Variants in ZNF662 observed in about 807,000 individuals in gnomAD.
ZNF662 encodes zinc finger protein 662.
Under a neutral mutation model 12.4 loss-of-function variants are expected in ZNF662, and 14 were observed. That is an observed-to-expected ratio of 1.13 (90% CI 0.75 to 1.77). The LOEUF is 1.77. Among genes scored for constraint, ZNF662 ranks in the 40% most tolerant of loss-of-function variants. ZNF662 has a pLI of 0.00. For synonymous variants in ZNF662, 184 were observed against 176.4 expected (o/e 1.04, Z -0.34); for missense variants, 550 against 515.6 (o/e 1.07, Z -0.65).
rs989510358 is a variant in ZNF662 at position 42,917,976 on chromosome 3, C to T, written c.*2622C>T. 1.3e-5 allele frequency among the ~76,000 whole-genome samples: 2 copies of T among 152,210 alleles called. No homozygotes were observed. The highest frequency in any genetic ancestry group is 4.8e-5 in the African/African-American group (2 of 41,454). ...ACAAAATTAGCCAGGTGTGGTGGCA[C>T]ATGCCAGTAATCTCAGCTACTCAGG... On this transcript the variant is annotated 3_prime_UTR_variant, in exon 5 of 5. Transcript: ENST00000440367.
Position 42,908,008 on chromosome 3 carries a change from A to C in ZNF662, c.-93-14A>C. The C allele has an allele frequency of 6.2e-7, 1 of 1,614,044 alleles. No individual in the cohort carries two copies. Among genetic ancestry groups the C allele is most frequent in the South Asian group, 1.1e-5 (1 of 91,054 alleles). On this transcript the variant is annotated splice_polypyrimidine_tract_variant and intron_variant, in intron 1 of 4. Coordinates refer to ENST00000440367, the MANE Select transcript of ZNF662 (RefSeq NM_207404.4). ...TGGGGTTGTCCTAGGGCATTTAAAC[A>C]CATGTTGTTTCAGGAGTCAGTGACC...
chr3:42,908,913 A>C lies in ZNF662; in HGVS notation c.151+4A>C, dbSNP rs1008827336. The C allele has an allele frequency of 2.5e-6, 4 of 1,599,404 alleles. No individual in the cohort carries two copies. On this transcript the variant is annotated splice_donor_region_variant and intron_variant, in intron 3 of 4. Coordinates refer to ENST00000440367, the MANE Select transcript of ZNF662 (RefSeq NM_207404.4). ...GCCCCAAGGGGCATCTCCTCAGGTG[A>C]GTGAGGGCACACGTGCCGGTCATCT...
Position 42,913,228 on chromosome 3 carries a change from T to TTCCACC in ZNF662, c.180_181insCCACCT (p.Ile60_Ser61insProPro). ...TATCCATTTCTAAAGCCTGCTGGGA[T>TTCCACC]TTCCCATCCTGAGCAGGTGGAAGAG... On this transcript the variant is annotated inframe_insertion, in exon 4 of 5. Coordinates refer to ENST00000440367, the MANE Select transcript of ZNF662 (RefSeq NM_207404.4). 6.2e-7 allele frequency: 1 copy of TTCCACC among 1,614,080 alleles called. No homozygotes were observed. Among genetic ancestry groups the TTCCACC allele is most frequent in the Non-Finnish European group, 8.5e-7 (1 of 1,179,950 alleles).
At chr3:42,909,097 T>G (rs1559380159) in intron 3 of ZNF662, among the ~76,000 whole-genome samples, 188 bp downstream of exon 3, 1 of 152,174 alleles carries the variant, frequency 6.6e-6, no homozygotes, top group Non-Finnish European at 1.5e-5. Context: ...TGATTATTCT[T>G]GGGTGTTTCT....
Position 42,915,490 on chromosome 3 carries a change from C to A in ZNF662, c.*136C>A. The A allele has an allele frequency of 1.2e-6, 1 of 816,000 alleles. No homozygotes were observed. Among genetic ancestry groups the A allele is most frequent in the Non-Finnish European group, 1.9e-6 (1 of 529,758 alleles). 50.5% of individuals were successfully genotyped at this position (816,000 alleles called of 1,614,324 possible). On this transcript the variant is annotated 3_prime_UTR_variant, in exon 5 of 5. Coordinates refer to ENST00000440367, the MANE Select transcript of ZNF662 (RefSeq NM_207404.4). ...ATTATCTTGCCCTTTTGAACATTTACCATGTACTCTAGCAAGACTGGTCCC... is the reference window on the plus strand; with the variant it reads ...ATTATCTTGCCCTTTTGAACATTTAACATGTACTCTAGCAAGACTGGTCCC...
In ZNF662 at chr3:42,917,280, C is replaced by A; in HGVS notation, c.*1926C>A. 1 of 544,616 alleles carries A rather than the reference C, an allele frequency of 1.8e-6. No individual in the cohort carries two copies. The highest frequency in any genetic ancestry group is 3.0e-5 in the East Asian group (1 of 33,052). The allele number at this position is 544,616 out of a possible 1,614,324, so 33.7% of individuals were successfully genotyped here. A position where few individuals can be genotyped will look rare whatever the true frequency, so the allele number is the denominator to read the frequency against. On this transcript the variant is annotated 3_prime_UTR_variant, in exon 5 of 5. Coordinates refer to ENST00000440367, the MANE Select transcript of ZNF662 (RefSeq NM_207404.4). The stretch of plus-strand genomic sequence containing the variant: ...TTGGCTTGTGTCAATCAGTTTATCC[C>A]ATCCCCTTGGCCACAGAGCCATTGT...
chr3:42,907,849 C>T lies in ZNF662; in HGVS notation c.-93-173C>T, dbSNP rs139440370. The T allele has an allele frequency of 4.1e-5, 40 of 985,386 alleles. No homozygotes were observed. The African/African-American group carries it at 6.6e-4, about 16-fold the overall frequency. 61.0% of individuals were successfully genotyped at this position (985,386 alleles called of 1,614,324 possible). On this transcript the variant is annotated intron_variant, in intron 1 of 4. Transcript: ENST00000440367. ...ACATGAGAAAATTGATGGCTGATGCCTTGTCTCTTTGTACATAGGAGGCAA... is the reference window on the plus strand; with the variant it reads ...ACATGAGAAAATTGATGGCTGATGCTTTGTCTCTTTGTACATAGGAGGCAA...
In ZNF662 at chr3:42,915,526, G is replaced by A; in HGVS notation, c.*172G>A. On this transcript the variant is annotated 3_prime_UTR_variant, in exon 5 of 5. Transcript: ENST00000440367. Reference sequence around the variant, plus strand: ...AGCAAGACTGGTCCCTCTGTTCTATGATGTTTTAACAAGGCATCATTTAGT... The same window carrying A: ...AGCAAGACTGGTCCCTCTGTTCTATAATGTTTTAACAAGGCATCATTTAGT... The A allele has an allele frequency of 1.6e-6, 1 of 614,658 alleles. No homozygotes were observed. The highest frequency in any genetic ancestry group is 2.7e-6 in the Non-Finnish European group (1 of 371,384). 38.1% of individuals were successfully genotyped at this position (614,658 alleles called of 1,614,324 possible).
intron 3 of ZNF662, among the ~76,000 whole-genome samples, chr3:42,910,075 G>A (rs1231570291): frequency 6.6e-6 from 1 of 152,216 alleles, no homozygotes; most frequent in Non-Finnish European, 1.5e-5. Flanking sequence ...TGAGCACTGA[G>A]TGATCGAGAC....
rs905453687 is a variant in ZNF662, at chr3:42,918,683, T to A, written c.*3329T>A. ...GTAGTGATCGATCTTAACTGGTTCC[T>A]GCTGATGGGGGCACTGTTTTGGGAA... On this transcript the variant is annotated 3_prime_UTR_variant, in exon 5 of 5. Coordinates refer to ENST00000440367, the MANE Select transcript of ZNF662 (RefSeq NM_207404.4). Among the ~76,000 whole-genome samples, 1 of 152,208 alleles carries A rather than the reference T, an allele frequency of 6.6e-6. No individual in the cohort carries two copies. Among genetic ancestry groups the A allele is most frequent in the African/African-American group, 2.4e-5 (1 of 41,450 alleles).
chr3:42,907,936 C>T (rs759688382), intron 1 of ZNF662, 86 bp from the exon 2 acceptor site: 6 of 1,543,588 alleles, frequency 3.9e-6, no homozygotes, highest in Non-Finnish European at 5.3e-6. Context: ...CAGGCACCCC[C>T]ACAGTACCTT....
At position 42,914,755 on chromosome 3, in the gene ZNF662, G is replaced by T. The variant is rs193156382; in HGVS notation, c.682G>T (p.Ala228Ser). The T allele has an allele frequency of 3.5e-5, 57 of 1,614,082 alleles. 1 individual carries two copies. In the East Asian group the frequency reaches 1.2e-3, roughly 35 times the overall value. ...CTATGGATGTAAGGAATGTGGGAAG[G>T]CTTTCAGTTTTCGATCACATTGCAT... is the stretch of plus-strand genomic sequence containing the variant. ...KVYGCKECGK[A>S]FSFRSHCIAH... Residue 228 changes from alanine (A) to serine (S), a missense_variant, in exon 5 of 5, where the codon GCT (alanine) becomes TCT (serine). Transcript: ENST00000440367.
In ZNF662 at chr3:42,906,444, G is replaced by T; in HGVS notation, c.-94+276G>T. Reference sequence around the variant, plus strand: ...CCGCGCTGCCCCGGGCGCGCCGGGTGAGTGCGGGGCCGGAGCCTGGAAGCA... The same window carrying T: ...CCGCGCTGCCCCGGGCGCGCCGGGTTAGTGCGGGGCCGGAGCCTGGAAGCA... On this transcript the variant is annotated intron_variant, in intron 1 of 4. Coordinates refer to ENST00000440367, the MANE Select transcript of ZNF662 (RefSeq NM_207404.4). The surrounding 1 kb of genome is among the most constrained non-coding windows in gnomAD (Gnocchi z 4.4). 1 of 1,456,754 alleles carries T rather than the reference G, an allele frequency of 6.9e-7. No individual in the cohort carries two copies. Among genetic ancestry groups the T allele is most frequent in the South Asian group, 1.4e-5 (1 of 72,814 alleles). The allele number at this position is 1,456,754 out of a possible 1,614,324, so 90.2% of individuals were successfully genotyped here.
At chr3:42,910,244 C>G (rs1347821142) in intron 3 of ZNF662, among the ~76,000 whole-genome samples, 1 of 152,118 alleles carries the variant, frequency 6.6e-6, no homozygotes. Flanking sequence ...CCCAGGCACT[C>G]GGCAGGCTGA....
rs369629170 is a variant in ZNF662, at chr3:42,914,684, A to G, written c.611A>G (p.Asn204Ser). 26 of 1,614,098 alleles carry G rather than the reference A, an allele frequency of 1.6e-5. No homozygotes were observed. Among genetic ancestry groups the G allele is most frequent in the African/African-American group, 5.3e-5 (4 of 74,932 alleles). Residue 204 changes from asparagine to serine, a missense_variant, in exon 5 of 5, where the codon AAT (asparagine) becomes AGT (serine). Coordinates refer to ENST00000440367, the MANE Select transcript of ZNF662 (RefSeq NM_207404.4). ...GAATGCGGCAAGTGTTTTGATCAAA[A>G]TGAGGACTTTGATCAACACCAGAAA... ...CEECGKCFDQ[N>S]EDFDQHQKTH... is the part of the protein sequence containing the mutation.
At chr3:42,908,932 G>T (rs973640904) in intron 3 of ZNF662, 23 bp downstream of exon 3, 7 of 1,540,472 alleles carry the variant, frequency 4.5e-6, no homozygotes, top group African/African-American at 1.4e-5. Context: ...ACACGTGCCG[G>T]TCATCTGACC....
rs2088706490 is a variant in ZNF662, at chr3:42,907,962, C to A, written c.-93-60C>A. ...ACAGTACCTTTTGATGCCCTGTCTC[C>A]CCTTCCTCTTGGCCTGGTCCTGGGG... is the stretch of plus-strand genomic sequence containing the variant. On this transcript the variant is annotated intron_variant, in intron 1 of 4. Coordinates refer to ENST00000440367, the MANE Select transcript of ZNF662 (RefSeq NM_207404.4). 1.9e-6 allele frequency: 3 copies of A among 1,594,112 alleles called. No homozygotes were observed. The South Asian group carries it at 3.4e-5, about 18-fold the overall frequency.
rs114564414 is a variant in ZNF662 at position 42,918,404 on chromosome 3, C to T, written c.*3050C>T. Among the ~76,000 whole-genome samples the T allele has an allele frequency of 0.014, 2,090 of 152,148 alleles. 58 individuals are homozygous for T. Among genetic ancestry groups the T allele is most frequent in the African/African-American group, 0.048 (1,987 of 41,514 alleles). On this transcript the variant is annotated 3_prime_UTR_variant, in exon 5 of 5. Coordinates refer to ENST00000440367, the MANE Select transcript of ZNF662 (RefSeq NM_207404.4). ...GGCCACCACACATGAGCTGAAGAGC[C>T]TAGTCTTCTCCCCCTGCATGAATTC... is the stretch of plus-strand genomic sequence containing the variant.
intron 3 of ZNF662, among the ~76,000 whole-genome samples, chr3:42,912,655 T>TATATATATATTTTTTATATATATAA (rs1559381489): frequency 0.018 from 858 of 46,686 alleles, 27 homozygotes; most frequent in East Asian, 0.028. Context: ...TATATATAAA[T>TATATATATATTTTTTATATATATAA]ATATATATAT....
Sources: gnomAD v4.1 joint callset for allele counts (sites outside exome capture counted in the v4.1 genomes callset) on GRCh38, gnomAD v4.1.1 for gene constraint, Gnocchi (gnomAD v3.1) non-coding constraint, MANE v1.5 for transcripts, NCBI Gene and HGNC (gene_info 2026-07-23, HGNC 2026-07-21) for gene names.